Variants in SNX2 observed in about 807,000 individuals in gnomAD.
The protein encoded by SNX2 is sorting nexin-2.
In SNX2, 25 loss-of-function variants were observed where a neutral mutation model predicts 69.9. The observed-to-expected ratio is 0.36, with a 90% CI of 0.26 to 0.50. The LOEUF (loss-of-function observed/expected upper bound fraction) is 0.50, where lower values mean the gene tolerates loss of function less well. Ranked by LOEUF, SNX2 falls within the 20% of genes least tolerant of loss-of-function variation. SNX2 has a pLI of 0.97. For missense variants in SNX2, 551 were observed against 613.3 expected, an observed-to-expected ratio of 0.90 and a Z score of 1.07; for synonymous variants, 229 against 200.4, an observed-to-expected ratio of 1.14 and a Z score of -1.20.
intron 10 of SNX2, 59 bp downstream of exon 10, chr5:122,817,432 T>G: frequency 9.5e-7 from 1 of 1,051,312 alleles, no homozygotes; most frequent in Non-Finnish European, 1.4e-6. Context: ...AATATTTTAT[T>G]TAAATTTTAT....
intron 6 of SNX2, among the ~76,000 whole-genome samples, chr5:122,804,365 C>CTTTTTTTTTTTTTTTTTT (rs1284102957): frequency 7.4e-6 from 1 of 135,762 alleles, no homozygotes. Flanking sequence ...AACATTTCTA[C>CTTTTTTTTTTTTTTTTTT]TTTTTTTTTT....
At chr5:122,792,612 A>AAT (rs1554062100) in intron 1 of SNX2, among the ~76,000 whole-genome samples, 1 of 151,978 alleles carries the variant, frequency 6.6e-6, no homozygotes, top group African/African-American at 2.4e-5. Flanking sequence ...AAAAAAAAAA[A>AAT]ATTGCTTAGT....
chr5:122,816,079 AATTATT>A (rs1450542570), intron 8 of SNX2, 108 bp downstream of exon 8: 5 of 496,312 alleles, frequency 1.0e-5, no homozygotes, highest in Admixed American at 8.2e-5. Context: ...GGAATAAAGC[AATTATT>A]ATTATTATGT....
intron 6 of SNX2, among the ~76,000 whole-genome samples, chr5:122,806,140 G>GCGCGCACGCGCACACACACA (rs1561461101): frequency 1.7e-4 from 5 of 30,220 alleles, no homozygotes; most frequent in African/African-American, 5.6e-4. Flanking sequence ...ACACACGCGC[G>GCGCGCACGCGCACACACACA]CGCACACACA....
In SNX2 at chr5:122,799,794, C is replaced by A; in HGVS notation, c.329C>A (p.Ala110Asp). 1.2e-6 allele frequency: 2 copies of A among 1,613,422 alleles called. No individual in the cohort carries two copies. Among genetic ancestry groups the A allele is most frequent in the Non-Finnish European group, 1.7e-6 (2 of 1,179,490 alleles). ...CCTGTCACTCCTACTACACTCATTG[C>A]TCCTAGAATTGAATCAAAGAGTATG... is the stretch of plus-strand genomic sequence containing the variant. ...VTPVTPTTLI[A>D]PRIESKSMSA... The change falls in exon 3 of 15, where the codon GCT (alanine) becomes GAT (aspartate). Residue 110 changes from alanine to aspartate, a missense_variant. Ala to Asp is a moderately radical substitution (Grantham distance 126). Around this residue, in one of 2 missense-constraint regions of SNX2, gnomAD observed 191 missense variants for 162.9 expected, o/e 1.17. Coordinates refer to ENST00000379516, the MANE Select transcript of SNX2 (RefSeq NM_003100.4).
At chr5:122,786,829 TGGGGAGGGA>T in intron 1 of SNX2, among the ~76,000 whole-genome samples, 1 of 152,278 alleles carries the variant, frequency 6.6e-6, no homozygotes, top group Non-Finnish European at 1.5e-5. Context: ...GTCAGTCTGT[TGGGGAGGGA>T]GGCTTTAGTG....
chr5:122,781,781 A>G (rs1752985020), intron 1 of SNX2, among the ~76,000 whole-genome samples: 1 of 152,186 alleles, frequency 6.6e-6, no homozygotes, highest in South Asian at 2.1e-4. Context: ...AACAGCCATT[A>G]TTAAAAATTA....
At chr5:122,802,169 G>T in intron 5 of SNX2, 45 bp downstream of exon 5, 1 of 1,474,970 alleles carries the variant, frequency 6.8e-7, no homozygotes, top group Non-Finnish European at 9.5e-7. Context: ...CCCTCATTAT[G>T]TGTAGTATGA....
chr5:122,789,658 C>A (rs1440487687), intron 1 of SNX2, among the ~76,000 whole-genome samples: 1 of 152,196 alleles, frequency 6.6e-6, no homozygotes, highest in Non-Finnish European at 1.5e-5. Flanking sequence ...TATACACATA[C>A]TCCTTAGCTC....
At chr5:122,823,320 G>T (rs1754066544) in intron 11 of SNX2, among the ~76,000 whole-genome samples, 1 of 149,594 alleles carries the variant, frequency 6.7e-6, no homozygotes, top group South Asian at 2.1e-4. Flanking sequence ...GAAAACAAAC[G>T]AAGAAAAAGT....
Position 122,834,064 on chromosome 5 carries a change from C to T in SNX2, c.*4416C>T, listed in dbSNP as rs894884495. The T allele has an allele frequency of 1.3e-5, 2 of 152,160 alleles. No individual in the cohort carries two copies. The highest frequency in any genetic ancestry group is 2.9e-5 in the Non-Finnish European group (2 of 68,028). The allele number at this position is 152,160 out of a possible 1,614,324, so 9.4% of individuals were successfully genotyped here. ...TTAAATCATGATTGAACTGATTATT[C>T]CTGTTAAATTTATGTGTGAACCATA... On this transcript the variant is annotated 3_prime_UTR_variant, in exon 15 of 15. Transcript: ENST00000379516.
chr5:122,776,108 A>G (rs1339189166), intron 1 of SNX2, among the ~76,000 whole-genome samples: 1 of 152,150 alleles, frequency 6.6e-6, no homozygotes. Flanking sequence ...AAGTGTGTGT[A>G]TGTGAATTAA....
chr5:122,789,815 ACT>A (rs945325408), intron 1 of SNX2, among the ~76,000 whole-genome samples: 72 of 151,956 alleles, frequency 4.7e-4, no homozygotes, highest in African/African-American at 1.4e-3. Flanking sequence ...AAAGGAATAG[ACT>A]CTCTACCTTT....
At chr5:122,799,898 T>G (rs751486003) in intron 3 of SNX2, 43 bp downstream of exon 3, 1 of 1,447,360 alleles carries the variant, frequency 6.9e-7, no homozygotes, top group Non-Finnish European at 9.5e-7. Flanking sequence ...AATATATACC[T>G]TTTTTCCCCA....
intron 3 of SNX2, among the ~76,000 whole-genome samples, chr5:122,800,846 A>G (rs927192630): frequency 1.3e-5 from 2 of 152,186 alleles, no homozygotes; most frequent in South Asian, 2.1e-4. Context: ...AAAATTTTGC[A>G]AAGTTGAATA....
In SNX2 at chr5:122,832,505, AC is replaced by A. The variant is rs1291147626; in HGVS notation, c.*2859del. ...TATACTAATATATTAATCTCAAAAT[AC>A]CTTTGTTTCATTGTTGCTACTCCTT... is the stretch of plus-strand genomic sequence containing the variant. On this transcript the variant is annotated 3_prime_UTR_variant, in exon 15 of 15. Transcript: ENST00000379516. 2 of 152,096 alleles carry A rather than the reference AC, an allele frequency of 1.3e-5. No individual in the cohort carries two copies. Among genetic ancestry groups the A allele is most frequent in the Non-Finnish European group, 2.9e-5 (2 of 68,018 alleles). 9.4% of individuals were successfully genotyped at this position (152,096 alleles called of 1,614,324 possible).
At position 122,815,817 on chromosome 5, in the gene SNX2, A is replaced by T; in HGVS notation, c.723-79A>T. ...AGTGAGGACACTTTTTTTTCCTAGTATTTCTATTTTTTTATCATTTTGTTG... is the reference window on the plus strand; with the variant it reads ...AGTGAGGACACTTTTTTTTCCTAGTTTTTCTATTTTTTTATCATTTTGTTG... On this transcript the variant is annotated intron_variant, in intron 7 of 14. Coordinates refer to ENST00000379516, the MANE Select transcript of SNX2 (RefSeq NM_003100.4). 10 of 701,850 alleles carry T rather than the reference A, an allele frequency of 1.4e-5. No homozygotes were observed. The Admixed American group carries it at 1.7e-4, about 12-fold the overall frequency. The allele number at this position is 701,850 out of a possible 1,614,324, so 43.5% of individuals were successfully genotyped here.
intron 7 of SNX2, among the ~76,000 whole-genome samples, chr5:122,811,380 A>G (rs1753772257): frequency 6.6e-6 from 1 of 152,184 alleles, no homozygotes; most frequent in Non-Finnish European, 1.5e-5. Flanking sequence ...AGTGTATTTT[A>G]TAGGTAAGGA....
Position 122,775,277 on chromosome 5 carries a change from C to G in SNX2, c.108+66C>G, listed in dbSNP as rs930783817. ...CGCGCGTCTCACCTTTCCCCTGCCC[C>G]GACTTGTCCCTCCCCATCCCCCGTG... On this transcript the variant is annotated intron_variant, in intron 1 of 14. Coordinates refer to ENST00000379516, the MANE Select transcript of SNX2 (RefSeq NM_003100.4). 2.0e-5 allele frequency: 29 copies of G among 1,483,766 alleles called. No individual in the cohort carries two copies. The African/African-American group carries it at 3.1e-4, about 16-fold the overall frequency. 91.9% of individuals were successfully genotyped at this position (1,483,766 alleles called of 1,614,324 possible).
Sources: allele counts gnomAD v4.1 joint callset (sites outside exome capture counted in the v4.1 genomes callset), GRCh38; gene constraint gnomAD v4.1.1; regional missense constraint gnomAD v4.1.1; transcripts MANE v1.5; gene names NCBI Gene and HGNC (gene_info 2026-07-23, HGNC 2026-07-21).